The following TENM2 variants were observed in gnomAD, a reference collection of about 807,000 sequenced individuals.
TENM2 encodes teneurin-2.
Under a neutral mutation model 245.2 loss-of-function variants are expected in TENM2, and 52 were observed. The observed-to-expected ratio is 0.21, with a 90% CI of 0.17 to 0.27. TENM2 has a LOEUF of 0.27. TENM2 is among the 10% of genes least tolerant of loss of function. The pLI is 1.00. For synonymous variants in TENM2, 1,363 were observed against 1,438.9 expected (o/e 0.95, Z 1.19); for missense variants, 3,046 against 3,666.8 (o/e 0.83, Z 4.37).
At chr5:168,240,976 G>C (rs1358551092) in intron 25 of TENM2, 1 of 152,242 alleles carries the variant, frequency 6.6e-6, no homozygotes, top group East Asian at 1.9e-4. Flanking sequence ...CCAAGCTTCT[G>C]TTGGCAGAGG....
chr5:167,016,727 T>G, the TENM2 span, among the ~76,000 whole-genome samples: 1 of 152,208 alleles, frequency 6.6e-6, no homozygotes, highest in African/African-American at 2.4e-5. Flanking sequence ...TGCTTTTTTT[T>G]GTCATTCTAT....
chr5:168,170,143 G>T (rs539376298), intron 13 of TENM2, among the ~76,000 whole-genome samples: 1 of 152,286 alleles, frequency 6.6e-6, no homozygotes, highest in Non-Finnish European at 1.5e-5. Flanking sequence ...TTTGACTAGA[G>T]AATCTTCTGT....
At chr5:167,140,676 C>T in the TENM2 span, among the ~76,000 whole-genome samples, 1 of 152,102 alleles carries the variant, frequency 6.6e-6, no homozygotes, top group African/African-American at 2.4e-5. Flanking sequence ...GGGGTGAGCG[C>T]AATACACTTG....
At chr5:168,055,802 G>T (rs1789491741) in intron 6 of TENM2, among the ~76,000 whole-genome samples, 1 of 152,170 alleles carries the variant, frequency 6.6e-6, no homozygotes, top group South Asian at 2.1e-4. Flanking sequence ...AAATACAGAT[G>T]AGTAGACAGA....
chr5:168,079,507 C>A (rs1581238871), intron 7 of TENM2, among the ~76,000 whole-genome samples: 1 of 152,096 alleles, frequency 6.6e-6, no homozygotes, highest in East Asian at 1.9e-4. Flanking sequence ...CTGTCGTGTG[C>A]CAGTTTTCAG....
chr5:167,327,876 A>C (rs1757181613), intron 1 of TENM2, among the ~76,000 whole-genome samples: 1 of 152,212 alleles, frequency 6.6e-6, no homozygotes, highest in African/African-American at 2.4e-5. Flanking sequence ...AGATCATCCT[A>C]ATTTCTGCAA....
Position 168,247,895 on chromosome 5 carries a change from T to A in TENM2, c.6956T>A (p.Leu2319Gln). ...TACAAGACCAACCTGGGCCACCACC[T>A]GCAGTACTTCTACTCTGACCTCCAC... Residue 2319 changes from leucine to glutamine, a missense_variant, in exon 27 of 29, where the codon CTG becomes CAG. Coordinates refer to ENST00000518659, the Ensembl canonical transcript of TENM2. This position sits in a 1 kb window ranked among gnomAD's most constrained non-coding sequence, Gnocchi z 7.8. The A allele has an allele frequency of 6.2e-7, 1 of 1,613,940 alleles. No individual in the cohort carries two copies. The highest frequency in any genetic ancestry group is 1.1e-5 in the South Asian group (1 of 91,070).
intron 5 of TENM2, among the ~76,000 whole-genome samples, chr5:168,017,990 T>A (rs965286168): frequency 6.6e-6 from 1 of 152,204 alleles, no homozygotes; most frequent in Non-Finnish European, 1.5e-5. Flanking sequence ...CACCTCGTAC[T>A]TTCCGGCCTC....
chr5:167,082,961 G>A, the TENM2 span, among the ~76,000 whole-genome samples: 4 of 151,872 alleles, frequency 2.6e-5, no homozygotes, highest in Admixed American at 6.6e-5. Flanking sequence ...GGTGGCCATT[G>A]GGAAGGCAAT....
chr5:167,376,422 T>G (rs1043322569), intron 2 of TENM2, among the ~76,000 whole-genome samples: 5 of 152,194 alleles, frequency 3.3e-5, no homozygotes, highest in African/African-American at 1.2e-4. Flanking sequence ...TAGAAACTTC[T>G]GCCAGAGCAG....
chr5:168,057,680 G>T (rs558119215), intron 6 of TENM2, among the ~76,000 whole-genome samples: 10 of 151,984 alleles, frequency 6.6e-5, no homozygotes, highest in Non-Finnish European at 1.5e-4. Flanking sequence ...TTTGTTTATT[G>T]TTAAGATTTT....
intron 13 of TENM2, among the ~76,000 whole-genome samples, chr5:168,182,465 A>G (rs1449838421): frequency 1.3e-5 from 2 of 152,182 alleles, no homozygotes; most frequent in Non-Finnish European, 2.9e-5. Context: ...TATTAAGTCC[A>G]TTCTATAGAT....
At chr5:168,155,777 A>G (rs951430644) in intron 12 of TENM2, among the ~76,000 whole-genome samples, 2 of 152,174 alleles carry the variant, frequency 1.3e-5, no homozygotes, top group Middle Eastern at 3.4e-3. Context: ...AGCTGTCATA[A>G]CAACTATATA....
chr5:167,467,103 C>A (rs1240787627), intron 2 of TENM2, among the ~76,000 whole-genome samples: 2 of 152,158 alleles, frequency 1.3e-5, no homozygotes, highest in Non-Finnish European at 2.9e-5. Context: ...GCTGAAATCT[C>A]ATCTTGAATT....
chr5:167,605,043 A>G (rs1336648667), intron 2 of TENM2, among the ~76,000 whole-genome samples: 2 of 152,174 alleles, frequency 1.3e-5, no homozygotes, highest in African/African-American at 2.4e-5. Context: ...TTGAACTGCA[A>G]TTAATGACAA....
intron 2 of TENM2, among the ~76,000 whole-genome samples, chr5:167,704,839 G>A (rs1758397852): frequency 6.6e-6 from 1 of 152,188 alleles, no homozygotes; most frequent in South Asian, 2.1e-4. Flanking sequence ...TGTCTTCGAG[G>A]CTTTTCTCTA....
chr5:168,182,310 C>T (rs1191137040), intron 13 of TENM2, among the ~76,000 whole-genome samples: 1 of 152,186 alleles, frequency 6.6e-6, no homozygotes, highest in African/African-American at 2.4e-5. Flanking sequence ...GGAACAGTAC[C>T]TTTCTCTCGT....
chr5:167,986,459 G>A lies in TENM2; in HGVS notation c.948-6485G>A, dbSNP rs73801480. Among the ~76,000 whole-genome samples, 404 of 152,182 alleles carry A rather than the reference G, an allele frequency of 2.7e-3. 1 individual carries two copies. Among genetic ancestry groups the A allele is most frequent in the African/African-American group, 8.9e-3 (369 of 41,508 alleles). On this transcript the variant is annotated intron_variant, in intron 4 of 28. Coordinates refer to ENST00000518659, the Ensembl canonical transcript of TENM2. Reference sequence around the variant, plus strand: ...GCTGTGACCAAAGCTCCCATCCCCCGCATGACATGACTGGGAAGGGAAAGA... The same window carrying A: ...GCTGTGACCAAAGCTCCCATCCCCCACATGACATGACTGGGAAGGGAAAGA...
At chr5:167,118,614 C>T in the TENM2 span, among the ~76,000 whole-genome samples, 9 of 152,214 alleles carry the variant, frequency 5.9e-5, no homozygotes, top group African/African-American at 1.4e-4. Context: ...TTTTTGGCTT[C>T]GTAGTGTTGC....
Sources: allele counts gnomAD v4.1 joint callset (sites outside exome capture counted in the v4.1 genomes callset), GRCh38; gene constraint gnomAD v4.1.1; non-coding constraint Gnocchi (gnomAD v3.1); transcripts MANE v1.5; gene names NCBI Gene and HGNC (gene_info 2026-07-23, HGNC 2026-07-21).